PDE1C: variants seen among roughly 807,000 people sequenced by gnomAD.
The protein encoded by PDE1C is dual specificity calcium/calmodulin-dependent 3',5'-cyclic nucleotide phosphodiesterase 1C.
In PDE1C, 62 loss-of-function variants were observed where a neutral mutation model predicts 93.1. The ratio of observed to expected loss-of-function variants is 0.67; its 90% CI spans 0.54 to 0.82. The LOEUF (loss-of-function observed/expected upper bound fraction) is 0.82, where lower values mean the gene tolerates loss of function less well. Among genes scored for constraint, PDE1C ranks in the 40% least tolerant of loss-of-function variants. PDE1C has a pLI of 0.00. For missense variants in PDE1C, 742 were observed against 884.6 expected (o/e 0.84, Z 2.04); for synonymous variants, 325 against 310.1 (o/e 1.05, Z -0.50).
intron 1 of PDE1C, among the ~76,000 whole-genome samples, chr7:32,312,665 A>G (rs1243599512): frequency 6.6e-6 from 1 of 152,218 alleles, no homozygotes; most frequent in African/African-American, 2.4e-5. Flanking sequence ...AGGATTCCCT[A>G]TTTAATAAAT....
intron 2 of PDE1C, among the ~76,000 whole-genome samples, chr7:31,925,800 T>C (rs1202071561): frequency 6.6e-6 from 1 of 152,174 alleles, no homozygotes; most frequent in East Asian, 1.9e-4. Flanking sequence ...ATTTTCCTAA[T>C]TTTCCCCAAT....
intron 2 of PDE1C, among the ~76,000 whole-genome samples, chr7:32,180,426 T>C (rs765278969): frequency 6.6e-6 from 1 of 152,198 alleles, no homozygotes; most frequent in African/African-American, 2.4e-5. Flanking sequence ...CCCAGTATAA[T>C]AGTATTAAGA....
intron 1 of PDE1C, among the ~76,000 whole-genome samples, chr7:32,368,193 G>C (rs1303202656): frequency 6.6e-6 from 1 of 152,008 alleles, no homozygotes; most frequent in Non-Finnish European, 1.5e-5. Context: ...AAGGAAGTCA[G>C]ATTGTCCCTG....
At chr7:32,070,265 G>A in intron 1 of PDE1C, 28 bp downstream of exon 1, 3 of 1,613,760 alleles carry the variant, frequency 1.9e-6, no homozygotes, top group Non-Finnish European at 2.5e-6. Context: ...CGGGAAATGG[G>A]GCAGGAGAAG....
intron 2 of PDE1C, among the ~76,000 whole-genome samples, chr7:31,912,564 G>A (rs1801379846): frequency 6.6e-6 from 1 of 152,064 alleles, no homozygotes; most frequent in South Asian, 2.1e-4. Flanking sequence ...GTGCACAGCT[G>A]TAGTCCTAAC....
At chr7:32,005,103 T>C (rs1410328043) in intron 2 of PDE1C, among the ~76,000 whole-genome samples, 1 of 152,142 alleles carries the variant, frequency 6.6e-6, no homozygotes, top group Non-Finnish European at 1.5e-5. Context: ...ACTTTATTGG[T>C]TATAGAGCAC....
At chr7:31,694,387 A>ACACACACACACACACACACACAC in the PDE1C span, among the ~76,000 whole-genome samples, 3 of 141,600 alleles carry the variant, frequency 2.1e-5, no homozygotes, top group Non-Finnish European at 4.6e-5. Flanking sequence ...CTCTCTCTCA[A>ACACACACACACACACACACACAC]ACACACACAC....
At chr7:32,002,666 C>T (rs1313255718) in intron 2 of PDE1C, among the ~76,000 whole-genome samples, 4 of 152,158 alleles carry the variant, frequency 2.6e-5, no homozygotes, top group African/African-American at 9.7e-5. Context: ...CACACCACCC[C>T]CATCCCAATA....
chr7:32,068,744 G>A (rs769106913), intron 1 of PDE1C, among the ~76,000 whole-genome samples: 9 of 152,150 alleles, frequency 5.9e-5, no homozygotes, highest in African/African-American at 9.7e-5. Flanking sequence ...CCATGGAGTC[G>A]GTTTAAATTG....
chr7:31,775,679 G>A lies in PDE1C; in HGVS notation c.1945C>T (p.Arg649Cys), dbSNP rs572178655. 34 of 1,612,664 alleles carry A rather than the reference G, an allele frequency of 2.1e-5. No individual in the cohort carries two copies. The highest frequency in any genetic ancestry group is 6.7e-5 in the Admixed American group (4 of 60,004). ...GTTTACCCACCTGGCAACGTAAGGC[G>A]ACACGTGGAGCTGGTGCTTGGGGCT... is the stretch of plus-strand genomic sequence containing the variant. ...SPAPSTSSTC[R>C]LTLPVIKPPL... The change falls in exon 17 of 18, where the codon CGC becomes TGC. Residue 649 changes from arginine to cysteine, a missense_variant. Physicochemically the swap from Arg to Cys is radical, Grantham distance 180. Transcript: ENST00000396191.
chr7:31,650,453 C>T, the PDE1C span, among the ~76,000 whole-genome samples: 1 of 152,144 alleles, frequency 6.6e-6, no homozygotes, highest in Non-Finnish European at 1.5e-5. Context: ...GGCAAAGGCA[C>T]AGCCTGAGAG....
chr7:32,087,744 C>T (rs550844633), intron 3 of PDE1C, among the ~76,000 whole-genome samples: 1,579 of 151,582 alleles, frequency 0.01, 36 homozygotes, highest in African/African-American at 0.036. Context: ...AGTAAACTAT[C>T]ACAAGGACAG....
At chr7:32,306,275 T>G (rs1025846481) in intron 1 of PDE1C, among the ~76,000 whole-genome samples, 1 of 152,174 alleles carries the variant, frequency 6.6e-6, no homozygotes, top group African/African-American at 2.4e-5. Context: ...ATTGGGTTCC[T>G]GGTCATAATA....
At position 32,151,047 on chromosome 7, in the gene PDE1C, A is replaced by C. The variant is rs1801221222; in HGVS notation, c.308+18738T>G. 2.6e-5 allele frequency among the ~76,000 whole-genome samples: 4 copies of C among 152,194 alleles called. No homozygotes were observed. The South Asian group carries it at 8.3e-4, about 32-fold the overall frequency. ...CCCAGATGAGGTCCCTATTCTTCAA[A>C]GAATCGTATCTGTAAGAAATCCTAA... On this transcript the variant is annotated intron_variant, in intron 3 of 18. Coordinates refer to the PDE1C transcript ENST00000396193.
At chr7:32,220,352 G>A (rs11981896) in intron 1 of PDE1C, among the ~76,000 whole-genome samples, 1 of 152,136 alleles carries the variant, frequency 6.6e-6, no homozygotes, top group Non-Finnish European at 1.5e-5. Flanking sequence ...TGTTCCAGGA[G>A]GTAAGTAGTA....
chr7:31,719,110 T>C, the PDE1C span, among the ~76,000 whole-genome samples: 2 of 152,164 alleles, frequency 1.3e-5, no homozygotes, highest in African/African-American at 4.8e-5. Flanking sequence ...TACATCCAGG[T>C]TGTGCAATCT....
chr7:32,208,476 C>T (rs1018962662), intron 2 of PDE1C, among the ~76,000 whole-genome samples: 7 of 149,662 alleles, frequency 4.7e-5, no homozygotes, highest in East Asian at 2.0e-4. Flanking sequence ...AGAGAGGGAA[C>T]GATGAGGTGA....
the PDE1C span, among the ~76,000 whole-genome samples, chr7:31,724,419 C>T: frequency 2.6e-5 from 4 of 152,208 alleles, no homozygotes; most frequent in African/African-American, 9.7e-5. Context: ...AGAAAAGTCT[C>T]AATGTGGTCA....
At chr7:32,023,651 AG>A (rs1175404420) in intron 2 of PDE1C, among the ~76,000 whole-genome samples, 1 of 151,682 alleles carries the variant, frequency 6.6e-6, no homozygotes, top group African/African-American at 2.4e-5. Flanking sequence ...GAAAAAAAAA[AG>A]CCAGTCTTTA....
Sources: allele counts gnomAD v4.1 joint callset (sites outside exome capture counted in the v4.1 genomes callset), GRCh38; gene constraint gnomAD v4.1.1; transcripts MANE v1.5; gene names NCBI Gene and HGNC (gene_info 2026-07-23, HGNC 2026-07-21).